Variants in ST6GAL1 observed in about 807,000 individuals in gnomAD.
ST6GAL1 encodes ST6 beta-galactoside alpha-2,6-sialyltransferase 1.
Under a neutral mutation model 38.0 loss-of-function variants are expected in ST6GAL1, and 20 were observed. That is an observed-to-expected ratio of 0.53 (90% CI 0.37 to 0.77). The LOEUF is 0.77. Ranked by LOEUF, ST6GAL1 falls within the 30% of genes least tolerant of loss-of-function variation. ST6GAL1 has a pLI of 0.00. For synonymous variants in ST6GAL1, 196 were observed against 188.2 expected, an observed-to-expected ratio of 1.04 and a Z score of -0.34; for missense variants, 432 against 496.4, an observed-to-expected ratio of 0.87 and a Z score of 1.23.
intron 4 of ST6GAL1, among the ~76,000 whole-genome samples, chr3:187,049,843 C>T (rs1718448927): frequency 6.6e-6 from 1 of 152,146 alleles, no homozygotes; most frequent in Non-Finnish European, 1.5e-5. Flanking sequence ...ACTACTAATC[C>T]CTTTCGAACC....
chr3:186,963,229 A>C (rs1414258096), intron 1 of ST6GAL1, among the ~76,000 whole-genome samples: 1 of 152,166 alleles, frequency 6.6e-6, no homozygotes, highest in Admixed American at 6.5e-5. Flanking sequence ...ACTTTAAAAA[A>C]AACTTTTTTT....
intron 4 of ST6GAL1, 78 bp from the exon 5 acceptor site, chr3:187,051,171 C>A (rs1262830538): frequency 3.9e-6 from 5 of 1,268,674 alleles, no homozygotes; most frequent in Non-Finnish European, 4.6e-6. Context: ...CTTGCCCCCT[C>A]CCCCGCCTCT....
At chr3:187,069,287 A>G (rs1392037068) in intron 5 of ST6GAL1, among the ~76,000 whole-genome samples, 2 of 152,152 alleles carry the variant, frequency 1.3e-5, no homozygotes, top group African/African-American at 4.8e-5. Flanking sequence ...GGTGCTTGCC[A>G]CCACGCCTGG....
chr3:186,972,395 C>T (rs542274615), intron 2 of ST6GAL1, among the ~76,000 whole-genome samples: 113 of 152,108 alleles, frequency 7.4e-4, no homozygotes, highest in African/African-American at 2.4e-3. Context: ...ACTACAGGCA[C>T]GGGCCACCAC....
In ST6GAL1 at chr3:186,952,447, T is replaced by C. The variant is rs1455570420; in HGVS notation, c.-324-11338T>C. On this transcript the variant is annotated intron_variant, in intron 1 of 7. Coordinates refer to ENST00000169298, the MANE Select transcript of ST6GAL1 (RefSeq NM_173216.2). This position sits in a 1 kb window ranked among gnomAD's most constrained non-coding sequence, Gnocchi z 4.1. ...ATCACTGTCTTTGCTTTTCCTCTTC[T>C]CTCACTAGGTTCTCCTTCTCAGTTC... Among the ~76,000 whole-genome samples the C allele has an allele frequency of 6.6e-6, 1 of 152,188 alleles. No individual in the cohort carries two copies. Among genetic ancestry groups the C allele is most frequent in the Non-Finnish European group, 1.5e-5 (1 of 68,030 alleles).
rs146244995 is a variant in ST6GAL1 at position 187,070,586 on chromosome 3, G to A, written c.706-2263G>A. Among the ~76,000 whole-genome samples the A allele has an allele frequency of 0.018, 2,679 of 151,694 alleles. 171 individuals carry two copies. The East Asian group carries it at 0.22, about 13-fold the overall frequency. Reference sequence around the variant, plus strand: ...ACTACAGGCACCCGCCACCATGCCCGGCTAATGTTTGTATTTTCAGTAGAG... The same window carrying A: ...ACTACAGGCACCCGCCACCATGCCCAGCTAATGTTTGTATTTTCAGTAGAG... On this transcript the variant is annotated intron_variant, in intron 5 of 7. Transcript: ENST00000169298.
chr3:186,970,640 T>C (rs1159289247), intron 2 of ST6GAL1, among the ~76,000 whole-genome samples: 1 of 152,132 alleles, frequency 6.6e-6, no homozygotes, highest in African/African-American at 2.4e-5. Context: ...ATTCTCTAAA[T>C]AGGATCATAC....
At chr3:187,062,780 T>TA (rs1321211847) in intron 5 of ST6GAL1, among the ~76,000 whole-genome samples, 2 of 152,192 alleles carry the variant, frequency 1.3e-5, no homozygotes, top group African/African-American at 4.8e-5. Context: ...ACTGTACACT[T>TA]AAAAATGGTT....
chr3:187,035,486 G>A (rs1717899010), intron 2 of ST6GAL1, among the ~76,000 whole-genome samples: 4 of 152,020 alleles, frequency 2.6e-5, no homozygotes, highest in South Asian at 4.1e-4. Flanking sequence ...AGGCATTCCA[G>A]TACCTGACTT....
At chr3:187,066,763 C>T (rs1719157392) in intron 5 of ST6GAL1, among the ~76,000 whole-genome samples, 1 of 152,070 alleles carries the variant, frequency 6.6e-6, no homozygotes, top group Non-Finnish European at 1.5e-5. Context: ...AGATGTTCCC[C>T]AGGGCTCTGC....
At chr3:187,037,556 C>T (rs6444195) in intron 2 of ST6GAL1, among the ~76,000 whole-genome samples, 68,524 of 151,918 alleles carry the variant, frequency 0.45, 16,661 homozygotes, top group African/African-American at 0.63. Context: ...AAAGAGCTGA[C>T]AGGTATATAT....
At chr3:186,998,932 A>G (rs139895668) in intron 2 of ST6GAL1, among the ~76,000 whole-genome samples, 4 of 152,372 alleles carry the variant, frequency 2.6e-5, no homozygotes, top group Non-Finnish European at 4.4e-5. Context: ...GGTTGAGGAA[A>G]TGAAGCCCAG....
intron 2 of ST6GAL1, among the ~76,000 whole-genome samples, chr3:187,009,291 GT>G (rs1459230440): frequency 2.6e-5 from 4 of 151,856 alleles, no homozygotes; most frequent in African/African-American, 9.7e-5. Flanking sequence ...TTTTTTAAAG[GT>G]ACATAATTAC....
chr3:186,999,228 C>T (rs1250502814), intron 2 of ST6GAL1, among the ~76,000 whole-genome samples: 2 of 152,106 alleles, frequency 1.3e-5, no homozygotes, highest in Non-Finnish European at 2.9e-5. Context: ...GGACCATTAA[C>T]ACCACTCGCC....
intron 2 of ST6GAL1, among the ~76,000 whole-genome samples, chr3:186,995,202 T>A (rs1280976225): frequency 1.3e-5 from 2 of 151,922 alleles, no homozygotes; most frequent in Non-Finnish European, 2.9e-5. Context: ...AATAGATTGA[T>A]AAGACCTTTA....
At chr3:187,011,299 A>G (rs1716950031) in intron 2 of ST6GAL1, among the ~76,000 whole-genome samples, 1 of 152,184 alleles carries the variant, frequency 6.6e-6, no homozygotes, top group Non-Finnish European at 1.5e-5. Context: ...GTGCCCGGAG[A>G]AAAAGGATTT....
intron 2 of ST6GAL1, among the ~76,000 whole-genome samples, chr3:186,970,363 T>C (rs1051484200): frequency 4.0e-5 from 6 of 151,280 alleles, no homozygotes; most frequent in Non-Finnish European, 7.4e-5. Context: ...TACAGGTGCC[T>C]GCCACCACGC....
chr3:187,016,706 AC>A (rs1485205393), intron 2 of ST6GAL1, among the ~76,000 whole-genome samples: 4 of 151,820 alleles, frequency 2.6e-5, no homozygotes, highest in African/African-American at 7.3e-5. Context: ...AAATGTGAAA[AC>A]CCCCAGAGAA....
chr3:187,062,177 A>AC (rs1425778769), intron 5 of ST6GAL1, among the ~76,000 whole-genome samples: 4 of 146,454 alleles, frequency 2.7e-5, no homozygotes, highest in African/African-American at 1.1e-4. Flanking sequence ...GCACCACCTC[A>AC]CCCCCATTAG....
Sources: allele counts gnomAD v4.1 joint callset (sites outside exome capture counted in the v4.1 genomes callset), GRCh38; gene constraint gnomAD v4.1.1; non-coding constraint Gnocchi (gnomAD v3.1); transcripts MANE v1.5; gene names NCBI Gene and HGNC (gene_info 2026-07-23, HGNC 2026-07-21).